Variants in EIF4E1B observed in about 807,000 individuals in gnomAD.
The protein encoded by EIF4E1B is eukaryotic translation initiation factor 4E family member 1B.
In EIF4E1B, 22 loss-of-function variants were observed where a neutral mutation model predicts 31.3. The observed-to-expected ratio is 0.70, with a 90% CI of 0.50 to 1.00. EIF4E1B has a LOEUF of 1.00. Ranked by LOEUF, EIF4E1B falls within the 50% of genes least tolerant of loss-of-function variation. The probability of loss-of-function intolerance (pLI) is 0.00; values close to 1 mark genes in which losing one functional copy is unlikely to be tolerated. For missense variants in EIF4E1B, 290 were observed against 311.6 expected (o/e 0.93, Z 0.52); for synonymous variants, 126 against 120.2 (o/e 1.05, Z -0.31).
chr5:176,642,530 A>G (rs1185172448), intron 2 of EIF4E1B, among the ~76,000 whole-genome samples, 180 bp from the exon 3 acceptor site: 1 of 152,244 alleles, frequency 6.6e-6, no homozygotes, highest in Non-Finnish European at 1.5e-5. Flanking sequence ...TCCAGAGACC[A>G]GATGAATACC....
chr5:176,632,358 C>T (rs1581182602), intron 1 of EIF4E1B, among the ~76,000 whole-genome samples: 1 of 152,208 alleles, frequency 6.6e-6, no homozygotes, highest in Non-Finnish European at 1.5e-5. Context: ...AGGGTTCAAG[C>T]AATTCTCCTG....
At chr5:176,635,192 G>T (rs538330748) in intron 1 of EIF4E1B, among the ~76,000 whole-genome samples, 4 of 152,144 alleles carry the variant, frequency 2.6e-5, no homozygotes, top group African/African-American at 7.2e-5. Flanking sequence ...AGACTGAGAA[G>T]GCTCTGGCAG....
At chr5:176,641,568 G>T (rs1760579131) in intron 1 of EIF4E1B, 1 of 152,186 alleles carries the variant, frequency 6.6e-6, no homozygotes, top group Non-Finnish European at 1.5e-5. Flanking sequence ...GACACAGATT[G>T]TCTGAGGGAT....
chr5:176,635,594 C>T (rs779905757), intron 1 of EIF4E1B, among the ~76,000 whole-genome samples: 7 of 152,206 alleles, frequency 4.6e-5, no homozygotes, highest in Non-Finnish European at 7.4e-5. Flanking sequence ...TATTCTTTCA[C>T]TTAAACAAGT....
chr5:176,639,296 T>A (rs1347209807), intron 1 of EIF4E1B, among the ~76,000 whole-genome samples: 2 of 152,000 alleles, frequency 1.3e-5, no homozygotes, highest in Admixed American at 1.3e-4. Context: ...ATTCAAGATA[T>A]TTTAGGAACA....
chr5:176,645,227 G>T lies in EIF4E1B; in HGVS notation c.458G>T (p.Arg153Leu). 6.3e-7 allele frequency: 1 copy of T among 1,594,066 alleles called. No homozygotes were observed. The highest frequency in any genetic ancestry group is 8.5e-7 in the Non-Finnish European group (1 of 1,170,856). Residue 153 changes from arginine (R) to leucine (L), a missense_variant, in exon 7 of 9, where the codon CGG becomes CTG. Physicochemically the swap from Arg to Leu is moderately radical, Grantham distance 102 (BLOSUM62 -2). Transcript: ENST00000318682. The surrounding 1 kb of genome is among the most constrained non-coding windows in gnomAD (Gnocchi z 5.4). ...AKQQRHIELDRLWLETLLCLI... is the reference protein window; with the variant it reads ...AKQQRHIELDLLWLETLLCLI... ...CAGCAGCGCCACATTGAGCTGGACC[G>T]GCTGTGGCTGGAGACGGTGAGTTGG...
chr5:176,641,184 C>T (rs1417291973), intron 1 of EIF4E1B, among the ~76,000 whole-genome samples: 1 of 152,056 alleles, frequency 6.6e-6, no homozygotes, highest in Non-Finnish European at 1.5e-5. Flanking sequence ...ACAAAACTAG[C>T]CGGGCGTGGT....
chr5:176,638,528 A>T lies in EIF4E1B; in HGVS notation c.-201-3515A>T, dbSNP rs912679877. 1.3e-5 allele frequency among the ~76,000 whole-genome samples: 2 copies of T among 152,220 alleles called. No individual in the cohort carries two copies. The highest frequency in any genetic ancestry group is 4.8e-5 in the African/African-American group (2 of 41,454). On this transcript the variant is annotated intron_variant, in intron 1 of 8. Coordinates refer to ENST00000318682, the MANE Select transcript of EIF4E1B (RefSeq NM_001099408.2). This position sits in a 1 kb window ranked among gnomAD's most constrained non-coding sequence, Gnocchi z 4.3. ...CATGGGGGAGAGTGTTCTTCTGTAG[A>T]TAGGGTAGCAGTCAGGGAAGGCCTC...
chr5:176,631,367 C>T (rs1182899222), intron 1 of EIF4E1B, among the ~76,000 whole-genome samples: 1 of 152,114 alleles, frequency 6.6e-6, no homozygotes, highest in Admixed American at 6.5e-5. Flanking sequence ...ATGCCAGGCA[C>T]ACAGTAGGCC....
Position 176,645,215 on chromosome 5 carries a change from T to A in EIF4E1B, c.446T>A (p.Ile149Asn). Residue 149 changes from isoleucine to asparagine, a missense_variant, in exon 7 of 9, where the codon ATT becomes AAT. Coordinates refer to ENST00000318682, the MANE Select transcript of EIF4E1B (RefSeq NM_001099408.2). This position sits in a 1 kb window ranked among gnomAD's most constrained non-coding sequence, Gnocchi z 5.4. Reference sequence around the variant, plus strand: ...AGCCTGGCCAAGCAGCAGCGCCACATTGAGCTGGACCGGCTGTGGCTGGAG... The same window carrying A: ...AGCCTGGCCAAGCAGCAGCGCCACAATGAGCTGGACCGGCTGTGGCTGGAG... ...LVSLAKQQRH[I>N]ELDRLWLETL... 5 of 1,593,080 alleles carry A rather than the reference T, an allele frequency of 3.1e-6. No homozygotes were observed. In the South Asian group the frequency reaches 3.4e-5, roughly 11 times the overall value.
At chr5:176,631,802 C>A (rs933141591) in intron 1 of EIF4E1B, among the ~76,000 whole-genome samples, 1 of 152,220 alleles carries the variant, frequency 6.6e-6, no homozygotes, top group African/African-American at 2.4e-5. Flanking sequence ...AACAGCTCCC[C>A]TTCCAGGAAT....
chr5:176,631,727 C>T (rs535542790), intron 1 of EIF4E1B, among the ~76,000 whole-genome samples: 1 of 152,028 alleles, frequency 6.6e-6, no homozygotes, highest in East Asian at 1.9e-4. Flanking sequence ...TGCAAATTGG[C>T]GCAGACATTT....
intron 1 of EIF4E1B, among the ~76,000 whole-genome samples, chr5:176,631,469 A>T (rs1760381838): frequency 6.6e-6 from 1 of 152,160 alleles, no homozygotes; most frequent in Non-Finnish European, 1.5e-5. Flanking sequence ...AGGAAAGGAC[A>T]TAAAAAAGAG....
intron 6 of EIF4E1B, 75 bp downstream of exon 6, chr5:176,644,514 C>A: frequency 1.4e-6 from 2 of 1,396,450 alleles, no homozygotes; most frequent in Non-Finnish European, 2.0e-6. Flanking sequence ...CTGCGTTAAT[C>A]CCTCAGAGGG....
rs1295633508 is a variant in EIF4E1B, at chr5:176,646,447, A to T, written c.*467A>T. On this transcript the variant is annotated 3_prime_UTR_variant, in exon 9 of 9. Coordinates refer to ENST00000318682, the MANE Select transcript of EIF4E1B (RefSeq NM_001099408.2). ...TGCTGAGGACTGAGAGAGCCTTGCA[A>T]GGCCGCTCCCCTTCTCCCCAGCTGT... The T allele has an allele frequency of 6.4e-6, 1 of 156,678 alleles. No homozygotes were observed. The highest frequency in any genetic ancestry group is 2.4e-5 in the African/African-American group (1 of 41,574). The allele number at this position is 156,678 out of a possible 1,614,324, so 9.7% of individuals were successfully genotyped here. A position where few individuals can be genotyped will look rare whatever the true frequency, so the allele number is the denominator to read the frequency against.
Position 176,646,266 on chromosome 5 carries a change from T to C in EIF4E1B, c.*286T>C. On this transcript the variant is annotated 3_prime_UTR_variant, in exon 9 of 9. Coordinates refer to ENST00000318682, the MANE Select transcript of EIF4E1B (RefSeq NM_001099408.2). ...GTCATGGCGGGGAAGGAGGGCTCTA[T>C]GGTAGGCGGAGAAACCCATAGTCCA... The C allele has an allele frequency of 5.4e-6, 2 of 369,408 alleles. No individual in the cohort carries two copies. Among genetic ancestry groups the C allele is most frequent in the South Asian group, 4.1e-5 (1 of 24,192 alleles). 22.9% of individuals were successfully genotyped at this position (369,408 alleles called of 1,614,324 possible).
At chr5:176,639,984 C>T (rs984444763) in intron 1 of EIF4E1B, among the ~76,000 whole-genome samples, 10 of 152,186 alleles carry the variant, frequency 6.6e-5, no homozygotes. Flanking sequence ...TTCCAGTGCT[C>T]CCTCTGTCCA....
intron 1 of EIF4E1B, among the ~76,000 whole-genome samples, chr5:176,635,936 C>A (rs577514062): frequency 6.6e-6 from 1 of 152,272 alleles, no homozygotes; most frequent in Non-Finnish European, 1.5e-5. Flanking sequence ...CTTGCCTCAG[C>A]CTCCTGAGTA....
In EIF4E1B at chr5:176,643,625, C is replaced by T. The variant is rs371588640; in HGVS notation, c.201-14C>T. ...CTCTGCTTCCTCCTGGCTGCCTCCC[C>T]CTTCCCCTACCAGGTGGGCTCTGTG... is the stretch of plus-strand genomic sequence containing the variant. On this transcript the variant is annotated splice_polypyrimidine_tract_variant and intron_variant, in intron 4 of 8. Coordinates refer to ENST00000318682, the MANE Select transcript of EIF4E1B (RefSeq NM_001099408.2). 4.1e-5 allele frequency: 66 copies of T among 1,595,514 alleles called. No individual in the cohort carries two copies. Among genetic ancestry groups the T allele is most frequent in the Non-Finnish European group, 5.3e-5 (62 of 1,170,984 alleles).
Sources: gnomAD v4.1 joint callset for allele counts (sites outside exome capture counted in the v4.1 genomes callset) on GRCh38, gnomAD v4.1.1 for gene constraint, Gnocchi (gnomAD v3.1) non-coding constraint, MANE v1.5 for transcripts, NCBI Gene and HGNC (gene_info 2026-07-23, HGNC 2026-07-21) for gene names.